The following OSBPL10 variants were observed in gnomAD, a reference collection of about 807,000 sequenced individuals.
OSBPL10 encodes the protein oxysterol-binding protein-related protein 10.
In OSBPL10, 49 loss-of-function variants were observed where a neutral mutation model predicts 81.7. The observed-to-expected ratio is 0.60, with a 90% CI of 0.48 to 0.76. OSBPL10 has a LOEUF of 0.76. OSBPL10 is among the 30% of genes least tolerant of loss of function. The pLI is 0.00. For synonymous variants in OSBPL10, 419 were observed against 383.6 expected, an observed-to-expected ratio of 1.09 and a Z score of -1.08; for missense variants, 923 against 987.8, an observed-to-expected ratio of 0.93 and a Z score of 0.88.
chr3:31,782,676 C>T (rs925162866), intron 4 of OSBPL10, among the ~76,000 whole-genome samples: 1 of 151,956 alleles, frequency 6.6e-6, no homozygotes, highest in Non-Finnish European at 1.5e-5. Flanking sequence ...AATGGCCAAA[C>T]ACAGGAAAAA....
At chr3:31,888,930 A>AAATAAT (rs541130915) in intron 1 of OSBPL10, among the ~76,000 whole-genome samples, 2 of 151,974 alleles carry the variant, frequency 1.3e-5, no homozygotes, top group East Asian at 1.9e-4. Context: ...TCTCAGGAAA[A>AAATAAT]AATAATAATA....
At chr3:32,045,273 G>A (rs1187736693) in intron 2 of OSBPL10, among the ~76,000 whole-genome samples, 1 of 152,132 alleles carries the variant, frequency 6.6e-6, no homozygotes, top group Non-Finnish European at 1.5e-5. Flanking sequence ...AGCTTCTACT[G>A]GGTTTCTCAC....
intron 2 of OSBPL10, among the ~76,000 whole-genome samples, chr3:31,987,015 CAG>C (rs1698943289): frequency 1.3e-5 from 2 of 151,900 alleles, no homozygotes; most frequent in African/African-American, 4.8e-5. Flanking sequence ...TCAAAAAAAA[CAG>C]AAACTAAAAA....
intron 1 of OSBPL10, among the ~76,000 whole-genome samples, chr3:31,912,394 C>CA (rs1354451273): frequency 1.3e-5 from 1 of 74,198 alleles, no homozygotes; most frequent in African/African-American, 5.0e-5. Flanking sequence ...GACTCTGTCT[C>CA]GGAAAAAAAA....
chr3:31,974,045 C>A (rs1698632719), intron 1 of OSBPL10, among the ~76,000 whole-genome samples: 1 of 152,120 alleles, frequency 6.6e-6, no homozygotes. Flanking sequence ...AGGCATCCAG[C>A]AAAGGGCGCA....
At chr3:31,831,890 A>G (rs1700251990) in intron 3 of OSBPL10, among the ~76,000 whole-genome samples, 1 of 152,228 alleles carries the variant, frequency 6.6e-6, no homozygotes, top group Non-Finnish European at 1.5e-5. Flanking sequence ...TCCTCCAGAC[A>G]TACCTGCAGC....
At chr3:31,802,494 A>T (rs1699407822) in intron 4 of OSBPL10, among the ~76,000 whole-genome samples, 2 of 135,004 alleles carry the variant, frequency 1.5e-5, no homozygotes, top group Non-Finnish European at 3.1e-5. Context: ...TGAACCCAGG[A>T]GGTGGAGGTT....
chr3:31,967,714 T>C (rs1372062144), intron 1 of OSBPL10, among the ~76,000 whole-genome samples: 1 of 152,164 alleles, frequency 6.6e-6, no homozygotes, highest in African/African-American at 2.4e-5. Context: ...GCTGCAAATA[T>C]GCTGGCTTTA....
At chr3:31,672,753 T>C (rs778962356) in intron 8 of OSBPL10, among the ~76,000 whole-genome samples, 28 of 152,036 alleles carry the variant, frequency 1.8e-4, no homozygotes, top group Non-Finnish European at 3.1e-4. Context: ...AAACCCAAGC[T>C]GACATGCTAG....
upstream of OSBPL10, among the ~76,000 whole-genome samples, chr3:31,985,025 G>A (rs112501452): frequency 7.9e-3 from 1,201 of 152,336 alleles, 19 homozygotes; most frequent in African/African-American, 0.027. Context: ...GGTCACGTGA[G>A]GTCAGGCGTT....
intron 3 of OSBPL10, among the ~76,000 whole-genome samples, chr3:31,840,975 C>T (rs1700479144): frequency 6.6e-6 from 1 of 152,186 alleles, no homozygotes; most frequent in South Asian, 2.1e-4. Context: ...ATGGCGTGAT[C>T]TCGGCTCACC....
At chr3:31,732,531 T>C (rs1341294566) in intron 6 of OSBPL10, 1 of 152,284 alleles carries the variant, frequency 6.6e-6, no homozygotes, top group Non-Finnish European at 1.5e-5. Context: ...ATATCAAGAC[T>C]ATATCATGTG....
chr3:31,714,154 A>C (rs1696356805), intron 6 of OSBPL10: 1 of 152,298 alleles, frequency 6.6e-6, no homozygotes, highest in Non-Finnish European at 1.5e-5. Context: ...GCCACAGTCC[A>C]GCGTGAGGGA....
chr3:31,662,112 T>G lies in OSBPL10; in HGVS notation c.2255A>C (p.Asp752Ala). 4.3e-6 allele frequency: 7 copies of G among 1,614,000 alleles called. No homozygotes were observed. Among genetic ancestry groups the G allele is most frequent in the Non-Finnish European group, 5.9e-6 (7 of 1,179,980 alleles). The change falls in exon 12 of 12, where the codon GAT becomes GCT. Residue 752 changes from aspartate to alanine, a missense_variant. By Grantham distance (126) the Asp-to-Ala change is moderately radical. Transcript: ENST00000396556. ...GAGGGGATTGAAGTATACCCAGCCA[T>G]CGCCCTGCAAGAGAAGAAAGGAGGC... ...WKPKYFIQEGDGWVYFNPLWK... is the reference protein window; with the variant it reads ...WKPKYFIQEGAGWVYFNPLWK...
At chr3:31,790,393 G>C (rs1409313891) in intron 4 of OSBPL10, among the ~76,000 whole-genome samples, 1 of 152,198 alleles carries the variant, frequency 6.6e-6, no homozygotes, top group Non-Finnish European at 1.5e-5. Context: ...CAGAACCCAT[G>C]AACCCCTGAG....
At chr3:31,797,391 C>A (rs970316844) in intron 4 of OSBPL10, among the ~76,000 whole-genome samples, 4 of 152,234 alleles carry the variant, frequency 2.6e-5, no homozygotes, top group African/African-American at 7.2e-5. Flanking sequence ...TAAACTAATT[C>A]TTGGCTCTTA....
chr3:31,841,616 A>C (rs1700500537), intron 3 of OSBPL10, among the ~76,000 whole-genome samples: 1 of 152,210 alleles, frequency 6.6e-6, no homozygotes, highest in Non-Finnish European at 1.5e-5. Flanking sequence ...TGCTTTCAAT[A>C]TCCTCAATTT....
At chr3:32,053,296 G>T (rs1217144250) in intron 1 of OSBPL10, among the ~76,000 whole-genome samples, 1 of 152,288 alleles carries the variant, frequency 6.6e-6, no homozygotes, top group Admixed American at 6.5e-5. Context: ...TCAACTAAAG[G>T]GTTAAAGGAT....
intron 7 of OSBPL10, 83 bp downstream of exon 7, chr3:31,702,276 A>T: frequency 6.7e-7 from 1 of 1,492,862 alleles, no homozygotes; most frequent in Non-Finnish European, 9.1e-7. Context: ...CACCACAACG[A>T]AAAGAATGTG....
Sources: gnomAD v4.1 joint callset for allele counts (sites outside exome capture counted in the v4.1 genomes callset) on GRCh38, gnomAD v4.1.1 for gene constraint, MANE v1.5 for transcripts, NCBI Gene and HGNC (gene_info 2026-07-23, HGNC 2026-07-21) for gene names.